NTNG2: variants seen among roughly 807,000 people sequenced by gnomAD.
The protein encoded by NTNG2 is netrin-G2.
NTNG2 carries 15 observed loss-of-function variants against 47.6 expected under a neutral mutation model. The observed-to-expected ratio is 0.32, with a 90% CI of 0.21 to 0.49. The LOEUF (loss-of-function observed/expected upper bound fraction) is 0.49. NTNG2 is among the 20% of genes least tolerant of loss of function. The probability of loss-of-function intolerance (pLI) is 0.99; values close to 1 mark genes in which losing one functional copy is unlikely to be tolerated. For missense variants in NTNG2, 578 were observed against 764.6 expected (o/e 0.76, Z 2.88); for synonymous variants, 307 against 324.6 (o/e 0.95, Z 0.58).
intron 2 of NTNG2, among the ~76,000 whole-genome samples, chr9:132,169,464 G>A (rs1381537123): frequency 1.3e-5 from 2 of 152,200 alleles, no homozygotes; most frequent in African/African-American, 4.8e-5. Context: ...GGCTTCCCCT[G>A]GGAGGGTCCG....
chr9:132,187,149 C>A (rs1837453354), intron 2 of NTNG2, among the ~76,000 whole-genome samples: 1 of 152,264 alleles, frequency 6.6e-6, no homozygotes. Context: ...GCCATGCCCA[C>A]TGTGGCCCCC....
At chr9:132,174,519 C>T (rs1290745595) in intron 2 of NTNG2, among the ~76,000 whole-genome samples, 2 of 152,168 alleles carry the variant, frequency 1.3e-5, no homozygotes, top group Admixed American at 1.3e-4. Flanking sequence ...TTGGTTTTCT[C>T]ATCTGAAACT....
chr9:132,186,029 C>G (rs930436959), intron 2 of NTNG2, among the ~76,000 whole-genome samples: 1 of 152,156 alleles, frequency 6.6e-6, no homozygotes, highest in Admixed American at 6.5e-5. Flanking sequence ...TTTTTCTAAT[C>G]AATTAGAAAG....
At chr9:132,188,847 C>T (rs73661554) in intron 2 of NTNG2, among the ~76,000 whole-genome samples, 2,270 of 152,156 alleles carry the variant, frequency 0.015, 60 homozygotes, top group African/African-American at 0.051. Context: ...TGAGGAGGGC[C>T]GGGGGCTGGG....
At position 132,200,208 on chromosome 9, in the gene NTNG2, G is replaced by A. The variant is rs1238415628; in HGVS notation, c.857+1599G>A. Among the ~76,000 whole-genome samples the A allele has an allele frequency of 3.9e-5, 6 of 152,302 alleles. No homozygotes were observed. The East Asian group carries it at 5.8e-4, about 15-fold the overall frequency. On this transcript the variant is annotated intron_variant, in intron 3 of 7. Coordinates refer to ENST00000393229, the MANE Select transcript of NTNG2 (RefSeq NM_032536.4). ...AATAATGGAGTGAGAGGGCTGGGGCGGGCTGAGGGAGGAGAGAGTTGAGAC... is the reference window on the plus strand; with the variant it reads ...AATAATGGAGTGAGAGGGCTGGGGCAGGCTGAGGGAGGAGAGAGTTGAGAC...
intron 3 of NTNG2, among the ~76,000 whole-genome samples, chr9:132,204,460 G>A (rs781436548): frequency 5.3e-5 from 8 of 152,144 alleles, no homozygotes; most frequent in African/African-American, 1.4e-4. Context: ...GCAGGTGGGC[G>A]CGGGGAGGGG....
At position 132,241,272 on chromosome 9, in the gene NTNG2, G is replaced by C. The variant is rs373573445; in HGVS notation, c.1357+228G>C. ...GCAGTGGGTGGGGCCTAGTGAGAGC[G>C]GGGCAGGGTTGGGATAGTTGGCAGG... On this transcript the variant is annotated intron_variant, in intron 7 of 7. Coordinates refer to ENST00000393229, the MANE Select transcript of NTNG2 (RefSeq NM_032536.4). Among the ~76,000 whole-genome samples, 39 of 151,970 alleles carry C rather than the reference G, an allele frequency of 2.6e-4. No individual in the cohort carries two copies. The East Asian group carries it at 7.0e-3, about 27-fold the overall frequency.
intron 2 of NTNG2, among the ~76,000 whole-genome samples, chr9:132,185,855 AGTG>A (rs1837328913): frequency 7.6e-6 from 1 of 132,224 alleles, no homozygotes; most frequent in African/African-American, 2.9e-5. Context: ...GAGGAGGAGG[AGTG>A]GGAGGAGGAG....
chr9:132,219,979 T>G (rs968074957), intron 3 of NTNG2, among the ~76,000 whole-genome samples: 9 of 152,240 alleles, frequency 5.9e-5, no homozygotes, highest in African/African-American at 2.2e-4. Flanking sequence ...GGGTTCTGAT[T>G]TCTCTGCATC....
At position 132,180,237 on chromosome 9, in the gene NTNG2, G is replaced by T. The variant is rs1435246692; in HGVS notation, c.213+13193G>T. ...GCATTTTCCCTTGGCCGAAGCAGAAGTCTGCTGTCGGGCAAAAGGTGAAGA... is the reference window on the plus strand; with the variant it reads ...GCATTTTCCCTTGGCCGAAGCAGAATTCTGCTGTCGGGCAAAAGGTGAAGA... On this transcript the variant is annotated intron_variant, in intron 2 of 7. Coordinates refer to ENST00000393229, the MANE Select transcript of NTNG2 (RefSeq NM_032536.4). The surrounding 1 kb of genome is among the most constrained non-coding windows in gnomAD (Gnocchi z 4.2). Among the ~76,000 whole-genome samples the T allele has an allele frequency of 6.6e-6, 1 of 152,246 alleles. No homozygotes were observed. Among genetic ancestry groups the T allele is most frequent in the Non-Finnish European group, 1.5e-5 (1 of 68,042 alleles).
Position 132,204,359 on chromosome 9 carries a change from G to A in NTNG2, c.857+5750G>A, listed in dbSNP as rs190355871. 1.7e-3 allele frequency among the ~76,000 whole-genome samples: 265 copies of A among 152,130 alleles called. 2 individuals carry two copies. The highest frequency in any genetic ancestry group is 6.0e-3 in the African/African-American group (249 of 41,488). The stretch of plus-strand genomic sequence containing the variant: ...TGCCTTCTTGTTTTCTTCCATAAAC[G>A]TCCTGTCCCTATTGATCGCCCCGTA... On this transcript the variant is annotated intron_variant, in intron 3 of 7. Transcript: ENST00000393229.
In NTNG2 at chr9:132,208,637, C is replaced by A. The variant is rs1158026330; in HGVS notation, c.857+10028C>A. ...GGAGGCATCATGGAGGACTCCCAGG[C>A]ATCTGGCTTTGAGACACTGGGTGGA... is the stretch of plus-strand genomic sequence containing the variant. On this transcript the variant is annotated intron_variant, in intron 3 of 7. Coordinates refer to ENST00000393229, the MANE Select transcript of NTNG2 (RefSeq NM_032536.4). The surrounding 1 kb of genome is among the most constrained non-coding windows in gnomAD (Gnocchi z 4.0). Among the ~76,000 whole-genome samples the A allele has an allele frequency of 6.6e-6, 1 of 151,928 alleles. No individual in the cohort carries two copies. The highest frequency in any genetic ancestry group is 2.4e-5 in the African/African-American group (1 of 41,346).
At position 132,236,615 on chromosome 9, in the gene NTNG2, G is replaced by T. The variant is rs536105720; in HGVS notation, c.1055-2489G>T. Among the ~76,000 whole-genome samples the T allele has an allele frequency of 8.7e-4, 132 of 152,352 alleles. No individual in the cohort carries two copies. Among genetic ancestry groups the T allele is most frequent in the African/African-American group, 3.0e-3 (126 of 41,584 alleles). On this transcript the variant is annotated intron_variant, in intron 5 of 7. Coordinates refer to ENST00000393229, the MANE Select transcript of NTNG2 (RefSeq NM_032536.4). The surrounding 1 kb of genome is among the most constrained non-coding windows in gnomAD (Gnocchi z 4.3). ...GAAGCATGTTTAGAGAGGGTCTGAG[G>T]CTCGGTTCCTAGAAACCTGGAGGAC...
At chr9:132,179,850 G>A (rs1321780995) in intron 2 of NTNG2, among the ~76,000 whole-genome samples, 1 of 152,154 alleles carries the variant, frequency 6.6e-6, no homozygotes, top group Admixed American at 6.5e-5. Context: ...ACAGGAGTTC[G>A]AATGGTCGTT....
chr9:132,184,043 A>G (rs1329544316), intron 2 of NTNG2, among the ~76,000 whole-genome samples: 1 of 152,212 alleles, frequency 6.6e-6, no homozygotes, highest in Non-Finnish European at 1.5e-5. Flanking sequence ...TAAGTGAATG[A>G]ATAAATCAAT....
At chr9:132,239,406 C>G in intron 6 of NTNG2, 135 bp downstream of exon 6, 1 of 799,218 alleles carries the variant, frequency 1.3e-6, no homozygotes, top group Non-Finnish European at 2.0e-6. Flanking sequence ...CCAGGGCCCT[C>G]TCCAGTTGAG....
At chr9:132,169,719 C>T (rs1835753802) in intron 2 of NTNG2, among the ~76,000 whole-genome samples, 1 of 152,192 alleles carries the variant, frequency 6.6e-6, no homozygotes, top group Non-Finnish European at 1.5e-5. Flanking sequence ...GCTGGCGGGA[C>T]GGCACAGCCC....
In NTNG2 at chr9:132,239,165, C is replaced by T; in HGVS notation, c.1116C>T (p.Thr372=). The part of the protein sequence containing the change: ...CSYIDFLNVV[T]CVSCKHNTRG... Reference sequence around the variant, plus strand: ...ACATTGACTTCCTGAATGTGGTGACCTGCGTCAGCTGCAAGCACAACACGC... The same window carrying T: ...ACATTGACTTCCTGAATGTGGTGACTTGCGTCAGCTGCAAGCACAACACGC... The change falls in exon 6 of 8, where the codon ACC becomes ACT. Residue 372 remains threonine, a synonymous_variant. Coordinates refer to ENST00000393229, the MANE Select transcript of NTNG2 (RefSeq NM_032536.4). 1.9e-6 allele frequency: 3 copies of T among 1,613,930 alleles called. No individual in the cohort carries two copies. Among genetic ancestry groups the T allele is most frequent in the Non-Finnish European group, 2.5e-6 (3 of 1,179,994 alleles).
At chr9:132,161,857 C>A (rs932107719), upstream of NTNG2, 6 of 150,294 alleles carry the variant, frequency 4.0e-5, no homozygotes, top group African/African-American at 1.2e-4. This position sits in a 1 kb window ranked among gnomAD's most constrained non-coding sequence, Gnocchi z 7.2. Flanking sequence ...GAAGCCCACC[C>A]GGGCCGGGGG....
Sources: gnomAD v4.1 joint callset for allele counts (sites outside exome capture counted in the v4.1 genomes callset) on GRCh38, gnomAD v4.1.1 for gene constraint, Gnocchi (gnomAD v3.1) non-coding constraint, MANE v1.5 for transcripts, NCBI Gene and HGNC (gene_info 2026-07-23, HGNC 2026-07-21) for gene names.